The following GAPVD1 variants were observed in gnomAD, a reference collection of about 807,000 sequenced individuals.
GAPVD1 encodes GTPase activating protein and VPS9 domains 1, also known as GTPase-activating protein and VPS9 domain-containing protein 1.
In GAPVD1, 35 loss-of-function variants were observed where a neutral mutation model predicts 155.5. The observed-to-expected ratio is 0.23, with a 90% CI of 0.17 to 0.30. The LOEUF (loss-of-function observed/expected upper bound fraction) is 0.30, where lower values mean the gene tolerates loss of function less well. GAPVD1 is among the 10% of genes least tolerant of loss of function. The pLI, the probability that GAPVD1 is intolerant of heterozygous loss-of-function variation, is 1.00. For missense variants in GAPVD1, 1,429 were observed against 1,775.7 expected (o/e 0.80, Z 3.51); for synonymous variants, 636 against 619.7 (o/e 1.03, Z -0.39).
At chr9:125,305,256 A>AT in intron 6 of GAPVD1, 107 bp downstream of exon 6, 1 of 712,896 alleles carries the variant, frequency 1.4e-6, no homozygotes, top group Non-Finnish European at 2.4e-6. Flanking sequence ...TGTTCTTTTA[A>AT]TTAGCTACAG....
intron 5 of GAPVD1, among the ~76,000 whole-genome samples, chr9:125,304,691 A>G (rs1466881049): frequency 6.6e-6 from 1 of 152,246 alleles, no homozygotes; most frequent in Non-Finnish European, 1.5e-5. Flanking sequence ...TAATGTTCTT[A>G]ATATTAACTT....
At chr9:125,284,467 C>T (rs1359339491) in intron 2 of GAPVD1, among the ~76,000 whole-genome samples, 13 of 151,512 alleles carry the variant, frequency 8.6e-5, no homozygotes, top group African/African-American at 2.4e-4. Flanking sequence ...CGTGAGCCAC[C>T]GCGCCTGGCA....
chr9:125,335,360 A>G (rs535343802), intron 15 of GAPVD1: 37 of 492,672 alleles, frequency 7.5e-5, no homozygotes, highest in Non-Finnish European at 1.2e-4. Flanking sequence ...TTTTTGTGTT[A>G]CCATTAAAAT....
intron 13 of GAPVD1, 99 bp downstream of exon 13, chr9:125,330,317 C>CTTTTT: frequency 3.9e-6 from 2 of 508,610 alleles, no homozygotes; most frequent in South Asian, 4.1e-5. Flanking sequence ...GTCAAATACA[C>CTTTTT]TTTTTTTTTT....
intron 2 of GAPVD1, among the ~76,000 whole-genome samples, chr9:125,273,129 TAG>T (rs1323725235): frequency 1.3e-5 from 2 of 152,228 alleles, no homozygotes; most frequent in African/African-American, 4.8e-5. Context: ...GAGTTGTCAT[TAG>T]AGATTGTTAA....
At chr9:125,359,275 G>C (rs1347534032) in intron 25 of GAPVD1, 145 bp from the exon 26 acceptor site, 2 of 647,472 alleles carry the variant, frequency 3.1e-6, no homozygotes, top group African/African-American at 3.6e-5. Flanking sequence ...TATCTAAGAG[G>C]CTCAACTCTA....
At chr9:125,265,273 CCTT>C (rs1833675144) in intron 1 of GAPVD1, among the ~76,000 whole-genome samples, 1 of 151,770 alleles carries the variant, frequency 6.6e-6, no homozygotes, top group Non-Finnish European at 1.5e-5. Context: ...CTTTCTTCTT[CCTT>C]CTTTTTTTTT....
chr9:125,329,210 T>TAGCTGTATTTGCGCAATA (rs1226977479), intron 12 of GAPVD1, among the ~76,000 whole-genome samples: 1 of 152,246 alleles, frequency 6.6e-6, no homozygotes, highest in East Asian at 1.9e-4. Context: ...TCTTGGCAGT[T>TAGCTGTATTTGCGCAATA]AGCTGTATTT....
chr9:125,285,460 T>TG (rs915019960), intron 2 of GAPVD1, among the ~76,000 whole-genome samples: 1 of 145,114 alleles, frequency 6.9e-6, no homozygotes, highest in African/African-American at 2.6e-5. Flanking sequence ...TTTGTTTTTT[T>TG]TTTTTTTTTT....
intron 6 of GAPVD1, 99 bp from the exon 7 acceptor site, chr9:125,307,314 A>T: frequency 2.6e-6 from 2 of 759,954 alleles, no homozygotes; most frequent in Non-Finnish European, 4.1e-6. Flanking sequence ...TATGATTTTT[A>T]AGATGTTTAA....
At chr9:125,307,661 T>C in intron 7 of GAPVD1, 30 bp from the exon 8 acceptor site, 1 of 1,594,118 alleles carries the variant, frequency 6.3e-7, no homozygotes, top group Non-Finnish European at 8.6e-7. Flanking sequence ...AAAAGTGATT[T>C]CATTAGCTAA....
intron 12 of GAPVD1, among the ~76,000 whole-genome samples, chr9:125,329,783 C>T (rs143439195): frequency 1.3e-4 from 20 of 152,150 alleles, no homozygotes; most frequent in East Asian, 1.9e-4. Context: ...CTCTGCCTCC[C>T]GGGTTCTTGT....
At chr9:125,343,195 T>C (rs776373424) in intron 19 of GAPVD1, among the ~76,000 whole-genome samples, 113 of 137,906 alleles carry the variant, frequency 8.2e-4, no homozygotes, top group Admixed American at 2.1e-3. Context: ...GCAGGAACCC[T>C]TTTTTTTTTT....
At chr9:125,344,121 A>G (rs1848207234) in intron 19 of GAPVD1, among the ~76,000 whole-genome samples, 1 of 152,200 alleles carries the variant, frequency 6.6e-6, no homozygotes, top group South Asian at 2.1e-4. Flanking sequence ...ATTTCTACCC[A>G]GTCCTTATTA....
intron 2 of GAPVD1, among the ~76,000 whole-genome samples, chr9:125,273,170 C>A (rs10114168): frequency 0.49 from 74,278 of 152,052 alleles, 18,320 homozygotes; most frequent in Middle Eastern, 0.58. Flanking sequence ...TAATTTCACA[C>A]TCATACAATT....
intron 2 of GAPVD1, among the ~76,000 whole-genome samples, chr9:125,293,878 A>ATATATAT (rs1839320890): frequency 5.3e-5 from 1 of 18,988 alleles, no homozygotes; most frequent in African/African-American, 2.5e-4. Flanking sequence ...ATATATATAT[A>ATATATAT]TATATATATA....
At chr9:125,300,389 T>A (rs917813912) in intron 4 of GAPVD1, among the ~76,000 whole-genome samples, 1 of 151,242 alleles carries the variant, frequency 6.6e-6, no homozygotes, top group Non-Finnish European at 1.5e-5. Context: ...ACCATGTTGG[T>A]CAGACTGGTC....
Position 125,332,038 on chromosome 9 carries a change from ACCAGGC to A in GAPVD1, c.2288_2293del (p.Pro763_Gly764del). On this transcript the variant is annotated inframe_deletion, in exon 14 of 28. Coordinates refer to ENST00000297933, the MANE Select transcript of GAPVD1 (RefSeq NM_001282680.3). ...GGGAGGTCAGTTCCCGCCCCAGCACACCAGGCCTCAGTGTTGTGTCCGGTATGTCTG... is the reference window on the plus strand; with the variant it reads ...GGGAGGTCAGTTCCCGCCCCAGCACACTCAGTGTTGTGTCCGGTATGTCTG... 1 of 1,614,154 alleles carries A rather than the reference ACCAGGC, an allele frequency of 6.2e-7. No individual in the cohort carries two copies. The highest frequency in any genetic ancestry group is 8.5e-7 in the Non-Finnish European group (1 of 1,180,012).
At position 125,307,526 on chromosome 9, in the gene GAPVD1, C is replaced by G. The variant is rs1464787328; in HGVS notation, c.1230C>G (p.Thr410=). Residue 410 remains threonine (T), a synonymous_variant, in exon 7 of 28, where the codon ACC becomes ACG. Coordinates refer to ENST00000297933, the MANE Select transcript of GAPVD1 (RefSeq NM_001282680.3). ...EGLSRTVVYI[T]YSQLITLVNF... is the part of the protein sequence containing the mutation. ...TGAGCAGAACTGTGGTTTATATAAC[C>G]TACAGTCAGCTTATTACTCTGGTAA... 2.5e-6 allele frequency: 4 copies of G among 1,611,266 alleles called. No individual in the cohort carries two copies. In the East Asian group the frequency reaches 8.9e-5, roughly 36 times the overall value.
Sources: gnomAD v4.1 joint callset for allele counts (sites outside exome capture counted in the v4.1 genomes callset) on GRCh38, gnomAD v4.1.1 for gene constraint, MANE v1.5 for transcripts, NCBI Gene and HGNC (gene_info 2026-07-23, HGNC 2026-07-21) for gene names.